Variants in ADGRF4 observed in about 807,000 individuals in gnomAD.
The protein encoded by ADGRF4 is G-protein coupled receptor PGR18.
In ADGRF4, 63 loss-of-function variants were observed where a neutral mutation model predicts 58.5. That is an observed-to-expected ratio of 1.08 (90% confidence interval 0.88 to 1.33). ADGRF4 has a LOEUF of 1.33. ADGRF4 is among the 40% of genes most tolerant of loss of function. ADGRF4 has a pLI of 0.00. For synonymous variants in ADGRF4, 313 were observed against 295.4 expected (o/e 1.06, Z -0.61); for missense variants, 931 against 843.9 (o/e 1.10, Z -1.28).
At chr6:47,715,301 G>A in intron 6 of ADGRF4, 124 bp downstream of exon 6, 2 of 758,382 alleles carry the variant, frequency 2.6e-6, no homozygotes, top group South Asian at 2.0e-5. Context: ...GGGTTATTTG[G>A]CTATGGCATC....
intron 4 of ADGRF4, among the ~76,000 whole-genome samples, chr6:47,711,978 T>G (rs1771882967): frequency 6.6e-6 from 1 of 152,250 alleles, no homozygotes; most frequent in Non-Finnish European, 1.5e-5. Flanking sequence ...CTCTAAAGTC[T>G]GAAATTGTCA....
chr6:47,713,963 A>T lies in ADGRF4; in HGVS notation c.718A>T (p.Ile240Phe). 1 of 1,605,812 alleles carries T rather than the reference A, an allele frequency of 6.2e-7. No individual in the cohort carries two copies. The highest frequency in any genetic ancestry group is 8.5e-7 in the Non-Finnish European group (1 of 1,176,232). Residue 240 changes from isoleucine (I) to phenylalanine (F), a missense_variant, in exon 6 of 10, where the codon ATT (isoleucine) becomes TTT (phenylalanine). By Grantham distance (21) the Ile-to-Phe change is conservative. Coordinates refer to ENST00000283303, the MANE Select transcript of ADGRF4 (RefSeq NM_153838.5). Reference sequence around the variant, plus strand: ...TGAGAACATTGTGAATGAACTCTTCATTCAGACAAAAGGGTTTCACATCAA... The same window carrying T: ...TGAGAACATTGTGAATGAACTCTTCTTTCAGACAAAAGGGTTTCACATCAA... Reference protein sequence around the residue: ...NSENIVNELFIQTKGFHINHN... With the variant: ...NSENIVNELFFQTKGFHINHN...
At chr6:47,713,759 G>A (rs770555743) in intron 5 of ADGRF4, 39 bp from the exon 6 acceptor site, 50 of 1,449,548 alleles carry the variant, frequency 3.4e-5, no homozygotes, top group Middle Eastern at 1.8e-4. Context: ...ACAACAATGT[G>A]TAAATCCTTA....
At chr6:47,718,468 G>T in intron 9 of ADGRF4, 23 bp downstream of exon 9, 1 of 1,368,096 alleles carries the variant, frequency 7.3e-7, no homozygotes, top group South Asian at 1.2e-5. Flanking sequence ...AATATAAAGA[G>T]AAATTTCACT....
chr6:47,701,958 C>T (rs949494002), intron 1 of ADGRF4, among the ~76,000 whole-genome samples: 5 of 152,200 alleles, frequency 3.3e-5, no homozygotes, highest in Admixed American at 6.5e-5. Flanking sequence ...CCTGCTTCCG[C>T]CTTCCAAGTA....
intron 9 of ADGRF4, among the ~76,000 whole-genome samples, 177 bp from the exon 10 acceptor site, chr6:47,721,032 G>T (rs184208029): frequency 1.3e-5 from 2 of 152,120 alleles, no homozygotes; most frequent in Non-Finnish European, 2.9e-5. Context: ...CCTTTTTACT[G>T]TCTGACCTTG....
intron 4 of ADGRF4, 125 bp from the exon 5 acceptor site, chr6:47,712,232 C>T: frequency 1.1e-6 from 1 of 905,662 alleles, no homozygotes; most frequent in Non-Finnish European, 1.7e-6. Flanking sequence ...TGCATCAAAA[C>T]CACTTTTTAG....
In ADGRF4 at chr6:47,715,020, C is replaced by T. The variant is rs1285083000; in HGVS notation, c.1775C>T (p.Ser592Phe). ...ACTCAGAGGCCCTCTATTGGCAGTT[C>T]CAAGTCTCAGGATGTGGTCATAATT... ...VNTQRPSIGS[S>F]KSQDVVIIMR... Residue 592 changes from serine (S) to phenylalanine (F), a missense_variant, in exon 6 of 10, where the codon TCC becomes TTC. Physicochemically the swap from Ser to Phe is radical, Grantham distance 155. Transcript: ENST00000283303. The T allele has an allele frequency of 1.2e-6, 2 of 1,613,292 alleles. No individual in the cohort carries two copies.
In ADGRF4 at chr6:47,714,582, T is replaced by C. The variant is rs1375569886; in HGVS notation, c.1337T>C (p.Ile446Thr). The C allele has an allele frequency of 1.9e-6, 3 of 1,614,180 alleles. No homozygotes were observed. The highest frequency in any genetic ancestry group is 1.7e-5 in the Admixed American group (1 of 60,028). Reference protein sequence around the residue: ...SYMRHVCIVNIAVSLLTANVW... With the variant: ...SYMRHVCIVNTAVSLLTANVW... ...ATGCGTCACGTGTGCATCGTGAATA[T>C]AGCAGTGTCCCTTCTGACTGCCAAT... Residue 446 changes from isoleucine (I) to threonine (T), a missense_variant, in exon 6 of 10, where the codon ATA becomes ACA. Ile to Thr is a moderately conservative substitution (Grantham distance 89, BLOSUM62 -1). Transcript: ENST00000283303.
At position 47,699,927 on chromosome 6, in the gene ADGRF4, C is replaced by CACACACACACACA. The variant is rs1192975005; in HGVS notation, c.-17+1133_-17+1134insACACACACACACA. Among the ~76,000 whole-genome samples, 4 of 123,528 alleles carry CACACACACACACA rather than the reference C, an allele frequency of 3.2e-5. No homozygotes were observed. The South Asian group carries it at 1.0e-3, about 31-fold the overall frequency. The allele number at this position is 123,528 out of a possible 152,430, so 81.0% of individuals were successfully genotyped here. ...ATACACACACACACACACACACAGACGACACACCCCCCCCCCCAAAATGTG... is the reference window on the plus strand; with the variant it reads ...ATACACACACACACACACACACAGACACACACACACACAGACACACCCCCCCCCCCAAAATGTG... On this transcript the variant is annotated intron_variant, in intron 1 of 9. Coordinates refer to ENST00000283303, the MANE Select transcript of ADGRF4 (RefSeq NM_153838.5).
At chr6:47,704,279 G>C (rs995147792) in intron 1 of ADGRF4, among the ~76,000 whole-genome samples, 4 of 152,056 alleles carry the variant, frequency 2.6e-5, no homozygotes, top group Admixed American at 6.5e-5. Context: ...CCTGACCTCA[G>C]GTCAGCCTCC....
Position 47,710,781 on chromosome 6 carries a change from C to T in ADGRF4, c.195C>T (p.Pro65=), listed in dbSNP as rs1468777097. The T allele has an allele frequency of 5.0e-6, 8 of 1,612,596 alleles. No individual in the cohort carries two copies. Among genetic ancestry groups the T allele is most frequent in the Non-Finnish European group, 6.8e-6 (8 of 1,179,366 alleles). ...TTTCTTCTTCCAACTGCAGCCAGCC[C>T]TGTGCTAAGGACTTTCATGGAGAAA... The part of the protein sequence containing the change: ...PCISSSNCSQ[P]CAKDFHGEIG... The change falls in exon 4 of 10, where the codon CCC becomes CCT. Residue 65 remains proline, a synonymous_variant. Transcript: ENST00000283303.
At chr6:47,706,907 A>G (rs1388180039) in intron 1 of ADGRF4, among the ~76,000 whole-genome samples, 1 of 152,274 alleles carries the variant, frequency 6.6e-6, no homozygotes, top group Non-Finnish European at 1.5e-5. Flanking sequence ...GCAAATAGAT[A>G]TTCTTGATAA....
At chr6:47,716,734 G>A in intron 6 of ADGRF4, 72 bp from the exon 7 acceptor site, 5 of 1,114,342 alleles carry the variant, frequency 4.5e-6, no homozygotes, top group Non-Finnish European at 4.1e-6. Flanking sequence ...ATCTAGAAGA[G>A]CGGTATGAAA....
At chr6:47,716,581 C>A (rs1772024266) in intron 6 of ADGRF4, among the ~76,000 whole-genome samples, 1 of 152,140 alleles carries the variant, frequency 6.6e-6, no homozygotes, top group South Asian at 2.1e-4. Context: ...CAATAAATAT[C>A]AATAACCCTC....
chr6:47,710,586 C>T (rs1771836494), intron 3 of ADGRF4, 149 bp from the exon 4 acceptor site: 2 of 650,210 alleles, frequency 3.1e-6, no homozygotes, highest in South Asian at 4.0e-5. Flanking sequence ...CCTGGCAGCT[C>T]TTACTCATTG....
rs140327995 is a variant in ADGRF4, at chr6:47,714,322, G to A, written c.1077G>A (p.Trp359Ter). 2 of 1,614,162 alleles carry A rather than the reference G, an allele frequency of 1.2e-6. No individual in the cohort carries two copies. Among genetic ancestry groups the A allele is most frequent in the Non-Finnish European group, 1.7e-6 (2 of 1,180,020 alleles). ...GCTGGCACTCCAAGAAAAGGAGATG[G>A]GATGAGAAAGCGTGCCAAATGATGT... ...CVGWHSKKRRWDEKACQMMLD... is the reference protein window; with the variant it reads ...CVGWHSKKRR The change falls in exon 6 of 10, where the codon TGG becomes TGA. Residue 359 changes from tryptophan to a stop codon, truncating the protein, a stop_gained. Transcript: ENST00000283303. LOFTEE classifies it high-confidence loss of function.
At chr6:47,720,953 C>T (rs527405689) in intron 9 of ADGRF4, among the ~76,000 whole-genome samples, 25 of 152,202 alleles carry the variant, frequency 1.6e-4, no homozygotes, top group Admixed American at 1.5e-3. Context: ...GCACTGAGCA[C>T]CGAGTTTAGG....
rs1302476325 is a variant in ADGRF4, at chr6:47,708,213, A to G, written c.94-11A>G. On this transcript the variant is annotated splice_polypyrimidine_tract_variant and intron_variant, in intron 2 of 9. Transcript: ENST00000283303. ...CAGTAAAGAGGACCATTGGGAATTT[A>G]TATTTTTCAGGCTGGAGATAAACTT... is the stretch of plus-strand genomic sequence containing the variant. 1 of 1,608,470 alleles carries G rather than the reference A, an allele frequency of 6.2e-7. No homozygotes were observed. The highest frequency in any genetic ancestry group is 8.5e-7 in the Non-Finnish European group (1 of 1,174,946).
Sources: allele counts gnomAD v4.1 joint callset (sites outside exome capture counted in the v4.1 genomes callset), GRCh38; gene constraint gnomAD v4.1.1; transcripts MANE v1.5; gene names NCBI Gene and HGNC (gene_info 2026-07-23, HGNC 2026-07-21).